The following GALC variants were observed in gnomAD, a reference collection of about 807,000 sequenced individuals.
GALC encodes galactocerebrosidase.
A neutral mutation model predicts 91.8 loss-of-function variants in GALC; 77 were observed. That is an observed-to-expected ratio of 0.84 (90% CI 0.70 to 1.01). The LOEUF (loss-of-function observed/expected upper bound fraction) is 1.01, where lower values mean the gene tolerates loss of function less well. Ranked by LOEUF, GALC falls within the 50% of genes least tolerant of loss-of-function variation. The pLI is 0.00. For synonymous variants in GALC, 357 were observed against 306.7 expected (o/e 1.16, Z -1.71); for missense variants, 882 against 855.9 (o/e 1.03, Z -0.38).
chr14:87,978,283 T>C (rs1023502585), intron 6 of GALC, among the ~76,000 whole-genome samples: 1 of 152,166 alleles, frequency 6.6e-6, no homozygotes, highest in African/African-American at 2.4e-5. Flanking sequence ...ACTCCTGACC[T>C]CAGGTGGTCC....
chr14:87,991,231 C>A (rs1185401260), intron 1 of GALC, among the ~76,000 whole-genome samples: 1 of 152,160 alleles, frequency 6.6e-6, no homozygotes, highest in Non-Finnish European at 1.5e-5. Flanking sequence ...TGAACGGAGT[C>A]TCACTCTGTC....
rs923261706 is a variant in GALC, at chr14:87,993,057, C to T, written c.108G>A (p.Leu36=). 8.3e-6 allele frequency: 13 copies of T among 1,567,268 alleles called. 1 individual carries two copies. Among genetic ancestry groups the T allele is most frequent in the Non-Finnish European group, 1.1e-5 (13 of 1,158,038 alleles). Residue 36 remains leucine (L), a synonymous_variant, in exon 1 of 17, where the codon CTG becomes CTA. Coordinates refer to ENST00000261304, the MANE Select transcript of GALC (RefSeq NM_000153.4). ...RAAVPLLLCA[L]LAPGGAYVLD... is the part of the protein sequence containing the mutation. ...GCACGTACGCGCCGCCGGGCGCCAG[C>T]AGCGCACACAGCAGCAAGGGCACCG...
At chr14:87,950,212 A>G (rs1219412541) in intron 11 of GALC, among the ~76,000 whole-genome samples, 1 of 152,018 alleles carries the variant, frequency 6.6e-6, no homozygotes, top group Non-Finnish European at 1.5e-5. Context: ...ATAACTTCTA[A>G]ATTAAAATAA....
At chr14:87,984,817 C>G (rs1886902079) in intron 4 of GALC, among the ~76,000 whole-genome samples, 2 of 152,112 alleles carry the variant, frequency 1.3e-5, no homozygotes, top group South Asian at 4.1e-4. Flanking sequence ...AAGACCCTTA[C>G]CAATAGAAAG....
chr14:87,948,855 T>C (rs191724747), intron 12 of GALC, among the ~76,000 whole-genome samples: 66 of 152,156 alleles, frequency 4.3e-4, no homozygotes, highest in Non-Finnish European at 7.7e-4. Flanking sequence ...TAGTTGGTTA[T>C]CAGAACATTA....
chr14:87,952,484 CA>C, intron 10 of GALC: 1 of 585,090 alleles, frequency 1.7e-6, no homozygotes, highest in Non-Finnish European at 3.1e-6. Context: ...AGCTAAACCA[CA>C]ACCCTGCCTA....
chr14:87,958,432 G>T (rs1197250559), intron 10 of GALC, among the ~76,000 whole-genome samples: 5 of 152,058 alleles, frequency 3.3e-5, no homozygotes, highest in Non-Finnish European at 7.4e-5. Flanking sequence ...GCAATCTACA[G>T]ATTTAATGCA....
intron 6 of GALC, among the ~76,000 whole-genome samples, chr14:87,977,971 G>T (rs184383775): frequency 1.7e-4 from 26 of 152,220 alleles, no homozygotes; most frequent in African/African-American, 6.3e-4. Flanking sequence ...GTAGCAAACC[G>T]AGACCAACTC....
intron 3 of GALC, 167 bp downstream of exon 3, chr14:87,987,977 T>A (rs1278766171): frequency 3.2e-6 from 2 of 620,226 alleles, no homozygotes; most frequent in East Asian, 5.6e-5. Context: ...ATATTCTATA[T>A]AATATTTTTA....
chr14:87,990,266 T>C (rs1887143503), intron 1 of GALC, among the ~76,000 whole-genome samples: 2 of 152,254 alleles, frequency 1.3e-5, no homozygotes, highest in Non-Finnish European at 2.9e-5. Flanking sequence ...ATGGGTCTTT[T>C]GTTGCACTGG....
intron 16 of GALC, among the ~76,000 whole-genome samples, chr14:87,936,742 A>C (rs921131245): frequency 2.6e-5 from 4 of 151,504 alleles, no homozygotes; most frequent in Non-Finnish European, 5.9e-5. Flanking sequence ...CATTTTGCAG[A>C]TAAGGAAATG....
At chr14:87,952,893 A>G (rs1258411022) in intron 10 of GALC, 3 of 976,324 alleles carry the variant, frequency 3.1e-6, no homozygotes, top group Non-Finnish European at 4.9e-6. Flanking sequence ...TTTAACTGAA[A>G]AGTATCAAAA....
intron 7 of GALC, among the ~76,000 whole-genome samples, chr14:87,969,879 C>A (rs1054813094): frequency 1.3e-5 from 2 of 151,914 alleles, no homozygotes; most frequent in African/African-American, 4.8e-5. Flanking sequence ...TACTGGAGAA[C>A]ATAAAAAGAA....
chr14:87,984,659 G>A, intron 4 of GALC, 126 bp from the exon 5 acceptor site: 1 of 899,726 alleles, frequency 1.1e-6, no homozygotes, highest in Non-Finnish European at 1.8e-6. Flanking sequence ...TCTGACTAAA[G>A]GAAAGTTTAT....
At chr14:87,969,647 T>C (rs1371969624) in intron 7 of GALC, among the ~76,000 whole-genome samples, 1 of 152,222 alleles carries the variant, frequency 6.6e-6, no homozygotes. Context: ...AGTTATATCA[T>C]AATTCTAATC....
rs189853941 is a variant in GALC, at chr14:87,992,951, C to T, written c.195+19G>A. On this transcript the variant is annotated intron_variant, in intron 1 of 16. Transcript: ENST00000261304. ...GGGCTCTTGCCGCCCCCCGCGTATC[C>T]CCGCAGCTTGCCGCTCACCCCGCCG... 3.1e-3 allele frequency: 4,619 copies of T among 1,509,366 alleles called. 14 individuals are homozygous for T. The highest frequency in any genetic ancestry group is 3.7e-3 in the Non-Finnish European group (4,239 of 1,137,280). The allele number at this position is 1,509,366 out of a possible 1,614,324, so 93.5% of individuals were successfully genotyped here.
At chr14:87,943,704 T>C (rs1197115152) in intron 14 of GALC, among the ~76,000 whole-genome samples, 1 of 151,978 alleles carries the variant, frequency 6.6e-6, no homozygotes, top group Non-Finnish European at 1.5e-5. Context: ...GGGAAATCCA[T>C]CAAAGTGCCT....
At chr14:87,942,881 G>A (rs1400583091) in intron 14 of GALC, among the ~76,000 whole-genome samples, 1 of 151,966 alleles carries the variant, frequency 6.6e-6, no homozygotes. Context: ...GACATCAGAG[G>A]GAGTTTTCTC....
intron 12 of GALC, 130 bp from the exon 13 acceptor site, chr14:87,948,008 T>C: frequency 1.3e-6 from 1 of 785,832 alleles, no homozygotes; most frequent in East Asian, 2.7e-5. Flanking sequence ...TAAACATTTG[T>C]GGAAAACTCA....
Sources: allele counts gnomAD v4.1 joint callset (sites outside exome capture counted in the v4.1 genomes callset), GRCh38; gene constraint gnomAD v4.1.1; transcripts MANE v1.5; gene names NCBI Gene and HGNC (gene_info 2026-07-23, HGNC 2026-07-21).